Variants in CDH18 observed in about 807,000 individuals in gnomAD.
CDH18 encodes cadherin 18.
In CDH18, 31 loss-of-function variants were observed where a neutral mutation model predicts 67.9. The ratio of observed to expected loss-of-function variants is 0.46; its 90% CI spans 0.34 to 0.62. The LOEUF (loss-of-function observed/expected upper bound fraction) is 0.62, where lower values mean the gene tolerates loss of function less well. Ranked by LOEUF, CDH18 falls within the 20% of genes least tolerant of loss-of-function variation. The probability of loss-of-function intolerance (pLI) is 0.01; values close to 1 mark genes in which losing one functional copy is unlikely to be tolerated. For missense variants in CDH18, 890 were observed against 975.5 expected (o/e 0.91, Z 1.17); for synonymous variants, 362 against 347.2 (o/e 1.04, Z -0.48).
chr5:19,799,885 C>T (rs1777271222), intron 3 of CDH18, among the ~76,000 whole-genome samples: 1 of 152,212 alleles, frequency 6.6e-6, no homozygotes, highest in Non-Finnish European at 1.5e-5. Context: ...CAGATACATT[C>T]ATCTTTATGT....
chr5:20,213,947 G>A (rs911996298), intron 2 of CDH18, among the ~76,000 whole-genome samples: 3 of 151,920 alleles, frequency 2.0e-5, no homozygotes. Flanking sequence ...GTTTGCAGAT[G>A]ACATGATCCT....
At chr5:19,614,483 G>C (rs1749510449) in intron 5 of CDH18, among the ~76,000 whole-genome samples, 1 of 151,848 alleles carries the variant, frequency 6.6e-6, no homozygotes, top group Non-Finnish European at 1.5e-5. Flanking sequence ...AATTACATTA[G>C]TAGGAATTGA....
chr5:20,070,157 C>A (rs373817568), intron 2 of CDH18, among the ~76,000 whole-genome samples: 3 of 152,164 alleles, frequency 2.0e-5, no homozygotes, highest in Admixed American at 6.5e-5. Flanking sequence ...ATAGTTGAAA[C>A]ACAGATTGGC....
intron 3 of CDH18, among the ~76,000 whole-genome samples, chr5:19,838,424 C>T (rs951213277): frequency 6.6e-6 from 1 of 151,984 alleles, no homozygotes; most frequent in African/African-American, 2.4e-5. Flanking sequence ...TCCAATATAC[C>T]TTCAAGGTAA....
intron 5 of CDH18, among the ~76,000 whole-genome samples, chr5:19,657,054 G>A (rs1171990867): frequency 6.6e-6 from 1 of 152,060 alleles, no homozygotes; most frequent in East Asian, 1.9e-4. Flanking sequence ...GGTCTTACAG[G>A]ATATGTAACA....
At chr5:20,489,403 A>T (rs767263681) in intron 1 of CDH18, among the ~76,000 whole-genome samples, 36 of 152,096 alleles carry the variant, frequency 2.4e-4, no homozygotes, top group Non-Finnish European at 2.5e-4. Context: ...TATTTTGATA[A>T]TGAACTATGT....
At chr5:20,146,572 G>A (rs1750660152) in intron 2 of CDH18, among the ~76,000 whole-genome samples, 1 of 150,994 alleles carries the variant, frequency 6.6e-6, no homozygotes, top group Non-Finnish European at 1.5e-5. Flanking sequence ...TAGCTCCAGT[G>A]CTTTATAGTG....
chr5:20,158,563 G>C (rs902594419), intron 2 of CDH18: 2 of 152,900 alleles, frequency 1.3e-5, no homozygotes, highest in African/African-American at 4.8e-5. Context: ...TTTAGTAAAT[G>C]TTTTCATAAA....
At chr5:20,350,964 T>C (rs1741123046) in intron 1 of CDH18, among the ~76,000 whole-genome samples, 1 of 151,306 alleles carries the variant, frequency 6.6e-6, no homozygotes, top group East Asian at 2.1e-4. Context: ...AATCCTTCCA[T>C]TTTGGAAAAG....
intron 3 of CDH18, among the ~76,000 whole-genome samples, chr5:19,830,247 C>A (rs1485264459): frequency 6.6e-6 from 1 of 152,082 alleles, no homozygotes; most frequent in African/African-American, 2.4e-5. Flanking sequence ...ACAGAGTTAA[C>A]AGACAACTTA....
At chr5:19,962,021 T>C (rs1302303645) in intron 2 of CDH18, among the ~76,000 whole-genome samples, 1 of 152,010 alleles carries the variant, frequency 6.6e-6, no homozygotes, top group African/African-American at 2.4e-5. Flanking sequence ...CTGTTATCAT[T>C]CCTTTTGATA....
At chr5:19,873,947 C>CA (rs933821399) in intron 2 of CDH18, among the ~76,000 whole-genome samples, 6 of 151,218 alleles carry the variant, frequency 4.0e-5, no homozygotes, top group Admixed American at 1.3e-4. Flanking sequence ...CGTGCCTGGC[C>CA]AAAAAAAATC....
intron 9 of CDH18, among the ~76,000 whole-genome samples, chr5:19,540,445 G>A (rs1750081618): frequency 1.3e-5 from 2 of 152,108 alleles, no homozygotes; most frequent in Non-Finnish European, 2.9e-5. Flanking sequence ...GCTCCACTAG[G>A]CAGCGCCCCA....
At chr5:20,524,016 C>A (rs557215783) in intron 1 of CDH18, among the ~76,000 whole-genome samples, 7 of 152,218 alleles carry the variant, frequency 4.6e-5, no homozygotes, top group African/African-American at 1.7e-4. Context: ...AGAAACTCAC[C>A]TATTTTGTGT....
intron 1 of CDH18, among the ~76,000 whole-genome samples, chr5:20,405,645 C>A (rs929567609): frequency 6.6e-6 from 1 of 152,070 alleles, no homozygotes; most frequent in Admixed American, 6.5e-5. Context: ...TCAGAGTGAA[C>A]AGGCAACCTA....
intron 9 of CDH18, among the ~76,000 whole-genome samples, chr5:19,531,123 A>G (rs535507214): frequency 3.3e-5 from 5 of 152,330 alleles, no homozygotes; most frequent in Admixed American, 1.3e-4. Flanking sequence ...GTAATTTTCA[A>G]GAAAATGTTC....
At chr5:19,757,415 C>CA (rs565921351) in intron 3 of CDH18, among the ~76,000 whole-genome samples, 10 of 152,316 alleles carry the variant, frequency 6.6e-5, no homozygotes, top group Middle Eastern at 3.4e-3. Flanking sequence ...GGGCACTCAG[C>CA]AGTGGCTGTA....
intron 1 of CDH18, among the ~76,000 whole-genome samples, chr5:20,358,063 A>G (rs1476339080): frequency 6.6e-6 from 1 of 152,168 alleles, no homozygotes; most frequent in Admixed American, 6.5e-5. Flanking sequence ...ACAAAACACC[A>G]TATATTCTCA....
intron 2 of CDH18, among the ~76,000 whole-genome samples, chr5:20,165,544 T>C (rs1280442390): frequency 6.6e-6 from 1 of 152,142 alleles, no homozygotes; most frequent in Non-Finnish European, 1.5e-5. Context: ...TAATAAAGTT[T>C]TAGGAGAGGA....
Sources: allele counts gnomAD v4.1 joint callset (sites outside exome capture counted in the v4.1 genomes callset), GRCh38; gene constraint gnomAD v4.1.1; transcripts MANE v1.5; gene names NCBI Gene and HGNC (gene_info 2026-07-23, HGNC 2026-07-21).